Variants in PHYHD1 observed in about 807,000 individuals in gnomAD.
The protein encoded by PHYHD1 is phytanoyl-CoA dioxygenase domain containing 1.
PHYHD1 carries 42 observed loss-of-function variants against 43.6 expected under a neutral mutation model. That is an observed-to-expected ratio of 0.96 (90% CI 0.75 to 1.25). The LOEUF (loss-of-function observed/expected upper bound fraction) is 1.25. PHYHD1 is among the 50% of genes most tolerant of loss of function. The pLI is 0.00. For synonymous variants in PHYHD1, 139 were observed against 143.6 expected, an observed-to-expected ratio of 0.97 and a Z score of 0.23; for missense variants, 342 against 370.8, an observed-to-expected ratio of 0.92 and a Z score of 0.64.
At chr9:128,935,496 C>T (rs753114711) in intron 6 of PHYHD1, among the ~76,000 whole-genome samples, 3 of 149,528 alleles carry the variant, frequency 2.0e-5, no homozygotes, top group East Asian at 2.0e-4. Flanking sequence ...TTGTTGTGGG[C>T]GCCTGTAGTC....
Position 128,936,445 on chromosome 9 carries a change from T to C in PHYHD1, c.317-3T>C, listed in dbSNP as rs1186649139. 2 of 1,611,254 alleles carry C rather than the reference T, an allele frequency of 1.2e-6. No homozygotes were observed. Among genetic ancestry groups the C allele is most frequent in the South Asian group, 1.1e-5 (1 of 90,130 alleles). On this transcript the variant is annotated splice_polypyrimidine_tract_variant and splice_region_variant and intron_variant, in intron 6 of 12. Coordinates refer to ENST00000372592, the MANE Select transcript of PHYHD1 (RefSeq NM_001100876.2). ...GGGCCGACAGCTTCCTTCTGTCCCA[T>C]AGCTCTGCACGCCCACGACCCCGTC...
chr9:128,927,428 T>A (rs1410010505), intron 4 of PHYHD1, among the ~76,000 whole-genome samples: 1 of 152,072 alleles, frequency 6.6e-6, no homozygotes, highest in East Asian at 1.9e-4. Context: ...CAGTCTGGAA[T>A]TCAGTGGCGC....
rs146454153 is a variant in PHYHD1, at chr9:128,930,389, C to T, written c.192+3193C>T. On this transcript the variant is annotated intron_variant, in intron 4 of 12. Transcript: ENST00000372592. ...TCAGGAAGTCAAGGCTACAGTGAGCCGTGATCCCATTGCACCATTCACTCC... is the reference window on the plus strand; with the variant it reads ...TCAGGAAGTCAAGGCTACAGTGAGCTGTGATCCCATTGCACCATTCACTCC... Among the ~76,000 whole-genome samples, 503 of 151,210 alleles carry T rather than the reference C, an allele frequency of 3.3e-3. 2 individuals are homozygous for T. The highest frequency in any genetic ancestry group is 0.012 in the African/African-American group (487 of 41,210).
Position 128,936,604 on chromosome 9 carries a change from C to T in PHYHD1, c.394C>T (p.Leu132Phe). The change falls in exon 8 of 13, where the codon CTC (leucine) becomes TTC (phenylalanine). Residue 132 changes from leucine (L) to phenylalanine (F), a missense_variant. Coordinates refer to ENST00000372592, the MANE Select transcript of PHYHD1 (RefSeq NM_001100876.2). Reference protein sequence around the residue: ...KVQTLARSLGLQMPVVVQSMY... With the variant: ...KVQTLARSLGFQMPVVVQSMY... ...CCAGACCTTGGCCAGAAGTCTGGGC[C>T]TCCAGATGCCCGTGGTGGTGCAGAG... 1 of 1,570,022 alleles carries T rather than the reference C, an allele frequency of 6.4e-7. No individual in the cohort carries two copies. Among genetic ancestry groups the T allele is most frequent in the Non-Finnish European group, 8.6e-7 (1 of 1,156,722 alleles).
Position 128,930,052 on chromosome 9 carries a change from C to G in PHYHD1, c.192+2856C>G, listed in dbSNP as rs1841232076. Among the ~76,000 whole-genome samples, 4 of 151,662 alleles carry G rather than the reference C, an allele frequency of 2.6e-5. No homozygotes were observed. The South Asian group carries it at 8.3e-4, about 32-fold the overall frequency. On this transcript the variant is annotated intron_variant, in intron 4 of 12. Transcript: ENST00000372592. ...CAGCACTTTGGGAGGCCAAGGCAGG[C>G]AGATCATTTGAGCCCAGGAGTTCAA...
chr9:128,933,984 T>C, intron 5 of PHYHD1, 27 bp from the exon 6 acceptor site: 3 of 1,613,498 alleles, frequency 1.9e-6, no homozygotes, highest in Non-Finnish European at 2.5e-6. Flanking sequence ...ACCAGTTCTC[T>C]GCCTTTATCT....
At chr9:128,935,694 G>C (rs1057031016) in intron 6 of PHYHD1, among the ~76,000 whole-genome samples, 4 of 152,182 alleles carry the variant, frequency 2.6e-5, no homozygotes, top group African/African-American at 9.7e-5. Context: ...ACGAGGTCAG[G>C]AGTTCAAGAC....
chr9:128,938,252 G>T (rs1225237513), intron 9 of PHYHD1, among the ~76,000 whole-genome samples: 1 of 151,990 alleles, frequency 6.6e-6, no homozygotes, highest in Non-Finnish European at 1.5e-5. Context: ...AGGTTGCAGT[G>T]AGCCAAGATC....
rs1841576458 is a variant in PHYHD1 at position 128,941,973 on chromosome 9, C to T, written c.*260C>T. 2 of 563,944 alleles carry T rather than the reference C, an allele frequency of 3.5e-6. No individual in the cohort carries two copies. The highest frequency in any genetic ancestry group is 6.3e-6 in the Non-Finnish European group (2 of 316,228). 34.9% of individuals were successfully genotyped at this position (563,944 alleles called of 1,614,324 possible). A position where few individuals can be genotyped will look rare whatever the true frequency, so the allele number is the denominator to read the frequency against. ...GGTTCTGGCCCCTTCTCACTCTCCT[C>T]TCCTCTCAGATGGAACTCTGGTTAT... On this transcript the variant is annotated 3_prime_UTR_variant, in exon 13 of 13. Coordinates refer to ENST00000372592, the MANE Select transcript of PHYHD1 (RefSeq NM_001100876.2).
rs1336348582 is a variant in PHYHD1 at position 128,940,843 on chromosome 9, A to T, written c.703+128A>T. 1.2e-5 allele frequency: 11 copies of T among 934,686 alleles called. No individual in the cohort carries two copies. In the East Asian group the frequency reaches 2.8e-4, roughly 24 times the overall value. The allele number at this position is 934,686 out of a possible 1,614,324, so 57.9% of individuals were successfully genotyped here. ...GCAGTGAAGTCACAGAAAGAGAAGG[A>T]GGGGCTGGATGGGCGCTGGGAAGTC... On this transcript the variant is annotated intron_variant, in intron 11 of 12. Transcript: ENST00000372592.
In PHYHD1 at chr9:128,925,173, G is replaced by A. The variant is rs888583133; in HGVS notation, c.34-1865G>A. Among the ~76,000 whole-genome samples, 5 of 152,072 alleles carry A rather than the reference G, an allele frequency of 3.3e-5. No homozygotes were observed. The South Asian group carries it at 6.2e-4, about 19-fold the overall frequency. On this transcript the variant is annotated intron_variant, in intron 3 of 12. Coordinates refer to ENST00000372592, the MANE Select transcript of PHYHD1 (RefSeq NM_001100876.2). ...GGTGGCGGAAGGGGTGTCCTTAACC[G>A]GAAACTAGGCTCTTTGTGGGTGTGT...
rs1232477620 is a variant in PHYHD1, at chr9:128,940,717, T to A, written c.703+2T>A. On this transcript the variant is annotated splice_donor_variant, in intron 11 of 12. Transcript: ENST00000372592. LOFTEE classifies it high-confidence loss of function. Reference sequence around the variant, plus strand: ...TTGTGCCCACCCCAGTGCAGAGAGGTAGGCAGATGCAGAGGGCAGAGAGGC... The same window carrying A: ...TTGTGCCCACCCCAGTGCAGAGAGGAAGGCAGATGCAGAGGGCAGAGAGGC... 1 of 1,612,654 alleles carries A rather than the reference T, an allele frequency of 6.2e-7. No individual in the cohort carries two copies.
chr9:128,940,565 G>A, intron 10 of PHYHD1, 34 bp from the exon 11 acceptor site: 1 of 1,613,946 alleles, frequency 6.2e-7, no homozygotes, highest in Non-Finnish European at 8.5e-7. Context: ...CCTTGAGAAA[G>A]GAGGAGTTTA....
intron 9 of PHYHD1, among the ~76,000 whole-genome samples, chr9:128,938,254 G>T (rs901092608): frequency 6.6e-6 from 1 of 152,060 alleles, no homozygotes; most frequent in Non-Finnish European, 1.5e-5. Flanking sequence ...GTTGCAGTGA[G>T]CCAAGATCAC....
intron 3 of PHYHD1, among the ~76,000 whole-genome samples, chr9:128,924,410 T>C (rs1479709419): frequency 6.6e-6 from 1 of 151,830 alleles, no homozygotes; most frequent in African/African-American, 2.4e-5. Context: ...AGAGTGAGAC[T>C]CTGTCTCAGA....
chr9:128,940,686 G>A lies in PHYHD1; in HGVS notation c.674G>A (p.Ser225Asn), dbSNP rs1416831558. 6.2e-7 allele frequency: 1 copy of A among 1,613,752 alleles called. No individual in the cohort carries two copies. The highest frequency in any genetic ancestry group is 1.7e-5 in the Admixed American group (1 of 60,018). Residue 225 changes from serine (S) to asparagine (N), a missense_variant, in exon 11 of 13, where the codon AGC becomes AAC. Physicochemically the swap from Ser to Asn is conservative, Grantham distance 46. Transcript: ENST00000372592. The stretch of plus-strand genomic sequence containing the variant: ...GGGTCAGAGCCAGCCCGGGATAACA[G>A]CCTCTTTGTGCCCACCCCAGTGCAG... The part of the protein sequence containing the change: ...FLGSEPARDN[S>N]LFVPTPVQRG...
At chr9:128,925,259 T>C (rs2131095936) in intron 3 of PHYHD1, among the ~76,000 whole-genome samples, 2 of 151,722 alleles carry the variant, frequency 1.3e-5, no homozygotes, top group Middle Eastern at 6.8e-3. Flanking sequence ...GAAGTCTTGC[T>C]TGGTCTTCTA....
chr9:128,926,112 C>T (rs138762558), intron 3 of PHYHD1, among the ~76,000 whole-genome samples: 10 of 152,324 alleles, frequency 6.6e-5, no homozygotes, highest in African/African-American at 1.7e-4. Context: ...CTCCTAAAAC[C>T]GTGTCTCAGA....
At position 128,932,174 on chromosome 9, in the gene PHYHD1, TA is replaced by T. The variant is rs1160911264; in HGVS notation, c.193-1607del. ...CTATTATTATTATTATTATTGTTAT[TA>T]TTATTATTATTTTTTTTTTTTGAGA... is the stretch of plus-strand genomic sequence containing the variant. On this transcript the variant is annotated intron_variant, in intron 4 of 12. Transcript: ENST00000372592. Among the ~76,000 whole-genome samples, 664 of 119,336 alleles carry T rather than the reference TA, an allele frequency of 5.6e-3. 16 individuals are homozygous for T. Among genetic ancestry groups the T allele is most frequent in the African/African-American group, 0.019 (556 of 29,154 alleles). 78.3% of individuals were successfully genotyped at this position (119,336 alleles called of 152,430 possible). A position where few individuals can be genotyped will look rare whatever the true frequency, so the allele number is the denominator to read the frequency against.
Sources: gnomAD v4.1 joint callset for allele counts (sites outside exome capture counted in the v4.1 genomes callset) on GRCh38, gnomAD v4.1.1 for gene constraint, MANE v1.5 for transcripts, NCBI Gene and HGNC (gene_info 2026-07-23, HGNC 2026-07-21) for gene names.